The following MTMR3 variants were observed in gnomAD, a reference collection of about 807,000 sequenced individuals.
MTMR3 encodes myotubularin related protein 3.
Under a neutral mutation model 132.4 loss-of-function variants are expected in MTMR3, and 32 were observed. That is an observed-to-expected ratio of 0.24 (90% CI 0.18 to 0.32). The LOEUF is 0.32. Ranked by LOEUF, MTMR3 falls within the 10% of genes least tolerant of loss-of-function variation. The pLI, the probability that MTMR3 is intolerant of heterozygous loss-of-function variation, is 1.00. For missense variants in MTMR3, 1,216 were observed against 1,489.6 expected (o/e 0.82, Z 3.02); for synonymous variants, 556 against 550.3 (o/e 1.01, Z -0.14).
At chr22:29,985,828 A>G (rs939323826) in intron 5 of MTMR3, 10 of 152,224 alleles carry the variant, frequency 6.6e-5, no homozygotes, top group Admixed American at 2.6e-4. Context: ...AGAAAAAAAT[A>G]TGTATATATT....
intron 1 of MTMR3, among the ~76,000 whole-genome samples, chr22:29,953,601 G>C (rs1021872125): frequency 2.0e-5 from 3 of 152,092 alleles, no homozygotes; most frequent in African/African-American, 7.2e-5. Flanking sequence ...ATCCAATACT[G>C]TAGTATTTAA....
chr22:29,941,885 G>C (rs1279058216), intron 1 of MTMR3, among the ~76,000 whole-genome samples: 1 of 152,170 alleles, frequency 6.6e-6, no homozygotes, highest in Non-Finnish European at 1.5e-5. Context: ...GGGAGGCCAT[G>C]GTAGGAAGAT....
chr22:30,006,301 G>A (rs989463463), intron 9 of MTMR3: 1 of 152,298 alleles, frequency 6.6e-6, no homozygotes, highest in Admixed American at 6.5e-5. Context: ...TCTTTCTTAA[G>A]AGCCCTAGGA....
intron 1 of MTMR3, among the ~76,000 whole-genome samples, chr22:29,954,385 C>T (rs376007617): frequency 6.6e-6 from 1 of 152,104 alleles, no homozygotes; most frequent in African/African-American, 2.4e-5. Flanking sequence ...CCACCACGCC[C>T]TGTCTACATG....
chr22:29,950,491 G>C (rs562595436), intron 1 of MTMR3, among the ~76,000 whole-genome samples: 1 of 152,118 alleles, frequency 6.6e-6, no homozygotes, highest in South Asian at 2.1e-4. Flanking sequence ...AGCCTCCTGA[G>C]TAGCTGGGAT....
At chr22:29,997,679 T>A (rs1662057730) in intron 7 of MTMR3, 1 of 152,180 alleles carries the variant, frequency 6.6e-6, no homozygotes, top group African/African-American at 2.4e-5. Context: ...AGTAGTATGG[T>A]GTTTCCTGAG....
intron 5 of MTMR3, chr22:29,985,996 G>A (rs1015735754): frequency 1.3e-5 from 2 of 152,196 alleles, no homozygotes; most frequent in African/African-American, 4.8e-5. Flanking sequence ...TCCCCCAGCA[G>A]CTGCTAAGAG....
At chr22:29,918,260 A>G (rs1220276939) in intron 1 of MTMR3, among the ~76,000 whole-genome samples, 2 of 152,210 alleles carry the variant, frequency 1.3e-5, no homozygotes, top group Non-Finnish European at 2.9e-5. Context: ...GCTTTCTTAC[A>G]CTAATATTCC....
intron 19 of MTMR3, chr22:30,023,350 T>G: frequency 8.9e-7 from 1 of 1,122,070 alleles, no homozygotes; most frequent in Non-Finnish European, 1.4e-6. Context: ...GAACAGTCTC[T>G]TTGCCTAGTA....
chr22:29,940,696 T>C (rs1032475626), intron 1 of MTMR3, among the ~76,000 whole-genome samples: 1 of 150,224 alleles, frequency 6.7e-6, no homozygotes, highest in Non-Finnish European at 1.5e-5. Context: ...GGTTGAACAG[T>C]TTCCTTGGCA....
At chr22:29,914,468 TG>T (rs1347069490) in intron 1 of MTMR3, among the ~76,000 whole-genome samples, 2 of 152,252 alleles carry the variant, frequency 1.3e-5, no homozygotes, top group Non-Finnish European at 2.9e-5. Context: ...GAGTTCATAA[TG>T]TATTCTGAAT....
intron 1 of MTMR3, among the ~76,000 whole-genome samples, chr22:29,938,316 C>T (rs2065789788): frequency 6.6e-6 from 1 of 152,182 alleles, no homozygotes. Context: ...CTTGAGTATA[C>T]CCACACCCCC....
intron 1 of MTMR3, among the ~76,000 whole-genome samples, chr22:29,906,266 GTCTGTCTGTCTGTCTGTCTGTCTATCTA>G (rs1200726255): frequency 3.1e-5 from 3 of 97,860 alleles, no homozygotes; most frequent in East Asian, 2.4e-4. Flanking sequence ...CTGTCTGTCT[GTCTGTCTGTCTGTCTGTCTGTCTATCTA>G]TCTATCTATC....
intron 7 of MTMR3, chr22:29,996,653 A>T (rs1462906566): frequency 6.6e-6 from 1 of 152,102 alleles, no homozygotes; most frequent in Admixed American, 6.6e-5. Context: ...GGAATTTGCC[A>T]CAGTTTTGCA....
intron 1 of MTMR3, among the ~76,000 whole-genome samples, chr22:29,905,582 C>G (rs2065078603): frequency 6.6e-6 from 1 of 152,146 alleles, no homozygotes; most frequent in African/African-American, 2.4e-5. Flanking sequence ...GTGCTTGAGT[C>G]CTTTCCTTTG....
chr22:29,883,518 TCCCCGGCGGCTGTCGCCGCCA>T (rs1203237636), intron 1 of MTMR3, among the ~76,000 whole-genome samples, 159 bp downstream of exon 1: 3 of 151,468 alleles, frequency 2.0e-5, no homozygotes, highest in African/African-American at 4.9e-5. Context: ...GGGAGGGGCG[TCCCCGGCGGCTGTCGCCGCCA>T]GGGGGAGGCG....
intron 1 of MTMR3, among the ~76,000 whole-genome samples, chr22:29,920,752 TAAAGATTGATACTGACCAAATATA>T (rs939550542): frequency 4.3e-4 from 65 of 152,314 alleles, no homozygotes; most frequent in South Asian, 2.3e-3. Flanking sequence ...GCATGTGGAC[TAAAGATTGATACTGACCAAATATA>T]AAAGATTGAT....
At chr22:29,902,379 A>C (rs754598487) in intron 1 of MTMR3, among the ~76,000 whole-genome samples, 15 of 151,662 alleles carry the variant, frequency 9.9e-5, no homozygotes, top group Non-Finnish European at 2.2e-4. Context: ...TCTAAGTAGT[A>C]GAATGGTTAT....
rs1555892695 is a variant in MTMR3, at chr22:29,896,902, CAT to C, written c.-138+13545_-138+13546del. Among the ~76,000 whole-genome samples the C allele has an allele frequency of 8.2e-3, 1,213 of 148,812 alleles. 28 individuals are homozygous for C. The highest frequency in any genetic ancestry group is 0.072 in the South Asian group (335 of 4,662). ...ACACACACACACACACACACACACA[CAT>C]ACACACACACAAATCCCATATAGAA... On this transcript the variant is annotated intron_variant, in intron 1 of 19. Coordinates refer to ENST00000401950, the MANE Select transcript of MTMR3 (RefSeq NM_021090.4).
Sources: gnomAD v4.1 joint callset for allele counts (sites outside exome capture counted in the v4.1 genomes callset) on GRCh38, gnomAD v4.1.1 for gene constraint, MANE v1.5 for transcripts, NCBI Gene and HGNC (gene_info 2026-07-23, HGNC 2026-07-21) for gene names.